MYO19: variants seen among roughly 807,000 people sequenced by gnomAD.
The protein encoded by MYO19 is unconventional myosin-XIX.
In MYO19, 132 loss-of-function variants were observed where a neutral mutation model predicts 129.2. The ratio of observed to expected loss-of-function variants is 1.02; its 90% CI spans 0.89 to 1.18. The LOEUF (loss-of-function observed/expected upper bound fraction) is 1.18. Ranked by LOEUF, MYO19 falls within the 50% of genes most tolerant of loss-of-function variation. The probability of loss-of-function intolerance (pLI) is 0.00; values close to 1 mark genes in which losing one functional copy is unlikely to be tolerated. For missense variants in MYO19, 1,210 were observed against 1,216.7 expected (o/e 0.99, Z 0.08); for synonymous variants, 531 against 477.2 (o/e 1.11, Z -1.47).
chr17:36,537,768 A>G (rs1005440783), upstream of MYO19: 2 of 1,614,066 alleles, frequency 1.2e-6, no homozygotes, highest in African/African-American at 1.3e-5. Flanking sequence ...TATAAAATCA[A>G]TAGGCTATCA....
At position 36,509,155 on chromosome 17, in the gene MYO19, G is replaced by A. The variant is rs77165672; in HGVS notation, c.1158-20C>T. On this transcript the variant is annotated intron_variant, in intron 13 of 25. Coordinates refer to ENST00000614623, the MANE Select transcript of MYO19 (RefSeq NM_001163735.2). ...AACAACCTGTTGGGGGAAGAGAGTG[G>A]ACTCTGGTAAGAGGGTCTGGCTGAG... The A allele has an allele frequency of 2.5e-6, 4 of 1,612,094 alleles. No individual in the cohort carries two copies. The highest frequency in any genetic ancestry group is 3.4e-6 in the Non-Finnish European group (4 of 1,178,560).
chr17:36,538,307 T>G, upstream of MYO19: 1 of 1,613,592 alleles, frequency 6.2e-7, no homozygotes, highest in South Asian at 1.1e-5. Flanking sequence ...AATTTCTAAT[T>G]AAAGGAGCTC....
intron 14 of MYO19, 53 bp from the exon 15 acceptor site, chr17:36,507,977 T>G (rs989183945): frequency 1.3e-6 from 2 of 1,520,984 alleles, no homozygotes; most frequent in Non-Finnish European, 1.8e-6. Context: ...AGATGGGGAA[T>G]AGGGGACCAA....
chr17:36,530,561 A>G (rs946104798), intron 3 of MYO19, among the ~76,000 whole-genome samples: 4 of 144,190 alleles, frequency 2.8e-5, no homozygotes, highest in Non-Finnish European at 5.9e-5. Context: ...GGTTCACGCC[A>G]TTCTCCTGCC....
chr17:36,513,308 C>T lies in MYO19; in HGVS notation c.894+121G>A, dbSNP rs934757788. 24 of 1,574,900 alleles carry T rather than the reference C, an allele frequency of 1.5e-5. No homozygotes were observed. In the Admixed American group the frequency reaches 4.1e-4, roughly 27 times the overall value. On this transcript the variant is annotated intron_variant, in intron 11 of 25. Transcript: ENST00000614623. ...GGTGACTGATTCCTTGGAGGTAGCA[C>T]AGAAGGGCCCAAAGTCCTAGATCCT...
chr17:36,509,919 G>A (rs1001457583), intron 13 of MYO19: 2 of 152,220 alleles, frequency 1.3e-5, no homozygotes, highest in African/African-American at 4.8e-5. Flanking sequence ...AAATTAGCTT[G>A]AGGCAGTGGT....
chr17:36,526,129 T>C (rs988285746), intron 5 of MYO19, among the ~76,000 whole-genome samples: 15 of 152,170 alleles, frequency 9.9e-5, no homozygotes, highest in African/African-American at 3.1e-4. Context: ...ACACCTGCCC[T>C]TGCCCCAGCC....
rs1211291133 is a variant in MYO19, at chr17:36,515,975, A to G, written c.430T>C (p.Cys144Arg). ...SGAGKTWTSR[C>R]LMKFYAVVAT... Reference sequence around the variant, plus strand: ...ACCACAGCATAGAACTTCATTAGGCAGCGAGACGTCCATGTCTGTGGCAGA... The same window carrying G: ...ACCACAGCATAGAACTTCATTAGGCGGCGAGACGTCCATGTCTGTGGCAGA... The change falls in exon 7 of 26, where the codon TGC (cysteine) becomes CGC (arginine). Residue 144 changes from cysteine to arginine, a missense_variant. Physicochemically the swap from Cys to Arg is radical, Grantham distance 180. Coordinates refer to ENST00000614623, the MANE Select transcript of MYO19 (RefSeq NM_001163735.2). 2 of 1,612,334 alleles carry G rather than the reference A, an allele frequency of 1.2e-6. No homozygotes were observed. The highest frequency in any genetic ancestry group is 1.7e-6 in the Non-Finnish European group (2 of 1,179,274).
chr17:36,520,521 GGTTT>G (rs2073068704), intron 6 of MYO19, among the ~76,000 whole-genome samples: 1 of 151,910 alleles, frequency 6.6e-6, no homozygotes, highest in South Asian at 2.1e-4. Context: ...CTTATACGTG[GGTTT>G]TTTTTCAATA....
intron 5 of MYO19, among the ~76,000 whole-genome samples, chr17:36,527,265 T>C (rs1248345526): frequency 6.6e-6 from 1 of 152,182 alleles, no homozygotes. Flanking sequence ...TTCCTGTTAA[T>C]AAAACCGCAA....
At chr17:36,501,972 G>C (rs573650801) in intron 21 of MYO19, 1 of 152,796 alleles carries the variant, frequency 6.5e-6, no homozygotes, top group South Asian at 2.1e-4. Flanking sequence ...CTATGGGCAA[G>C]AGACACGGAA....
Position 36,511,404 on chromosome 17 carries a change from C to A in MYO19, c.946G>T (p.Asp316Tyr), listed in dbSNP as rs751362772. The change falls in exon 12 of 26, where the codon GAT becomes TAT. Residue 316 changes from aspartate to tyrosine, a missense_variant. Physicochemically the swap from Asp to Tyr is radical, Grantham distance 160 (BLOSUM62 -3). Coordinates refer to ENST00000614623, the MANE Select transcript of MYO19 (RefSeq NM_001163735.2). ...ATCGGCTGGCAGGGCTGGGCTTCAT[C>A]CTCGGAGGCAGCAAACTGGATATTG... ...LGNIQFAASE[D>Y]EAQPCQPMDD... The A allele has an allele frequency of 6.3e-7, 1 of 1,575,772 alleles. No individual in the cohort carries two copies. The highest frequency in any genetic ancestry group is 1.8e-5 in the Admixed American group (1 of 54,244).
chr17:36,500,882 G>A lies in MYO19; in HGVS notation c.2325C>T (p.His775=). The part of the protein sequence containing the change: ...ARCIQGGWRR[H]RHREQERQWR... ...ACTGCCGCTCCTGCTCTCGGTGCCG[G>A]TGTCGCCTCCAGCCACCCTGGATGC... Residue 775 remains histidine, a synonymous_variant, in exon 23 of 26, where the codon CAC becomes CAT. Transcript: ENST00000614623. 1 of 1,606,642 alleles carries A rather than the reference G, an allele frequency of 6.2e-7. No individual in the cohort carries two copies. The highest frequency in any genetic ancestry group is 8.5e-7 in the Non-Finnish European group (1 of 1,179,250).
chr17:36,541,297 G>A (rs1259174801), intron 2 of MYO19, among the ~76,000 whole-genome samples: 1 of 152,234 alleles, frequency 6.6e-6, no homozygotes, highest in African/African-American at 2.4e-5. Context: ...ACGTGCCCCA[G>A]TAGCTCTTGT....
rs776187610 is a variant in MYO19, at chr17:36,510,831, T to C, written c.1072A>G (p.Arg358Gly). Residue 358 changes from arginine to glycine, a missense_variant, in exon 13 of 26, where the codon AGA becomes GGA. Coordinates refer to ENST00000614623, the MANE Select transcript of MYO19 (RefSeq NM_001163735.2). ...GGCTTCCGGAACACCTGCTGCTGTC[T>C]GCCTGCCCTGATGGTTCTAATCTGC... ...MVQIRTIRAG[R>G]QQQVFRKPCA... 2 of 1,583,218 alleles carry C rather than the reference T, an allele frequency of 1.3e-6. No homozygotes were observed. The highest frequency in any genetic ancestry group is 2.3e-5 in the East Asian group (1 of 43,110).
At chr17:36,503,893 A>G (rs1567737172) in intron 20 of MYO19, 57 bp downstream of exon 20, 3 of 1,374,412 alleles carry the variant, frequency 2.2e-6, no homozygotes, top group Non-Finnish European at 2.9e-6. Flanking sequence ...GCCCAATGAG[A>G]GTCCTGAGCC....
chr17:36,520,631 ACT>A (rs911561785), intron 6 of MYO19, among the ~76,000 whole-genome samples: 104 of 152,176 alleles, frequency 6.8e-4, no homozygotes, highest in Middle Eastern at 3.4e-3. Flanking sequence ...TCCTCAGCCT[ACT>A]CAAAGTGAAG....
Position 36,513,449 on chromosome 17 carries a change from T to C in MYO19, c.874A>G (p.Thr292Ala). 1 of 1,614,022 alleles carries C rather than the reference T, an allele frequency of 6.2e-7. No individual in the cohort carries two copies. Among genetic ancestry groups the C allele is most frequent in the Non-Finnish European group, 8.5e-7 (1 of 1,179,892 alleles). Residue 292 changes from threonine (T) to alanine (A), a missense_variant, in exon 11 of 26, where the codon ACC becomes GCC. Transcript: ENST00000614623. ...CTGACCTTAAAGATGTTGTTCTGGG[T>C]AGGGGTGTCAATGCCCAAATGGAGC... ...AMLHLGIDTP[T>A]QNNIFKVLAG...
At chr17:36,512,176 C>T (rs975478803) in intron 11 of MYO19, among the ~76,000 whole-genome samples, 3 of 147,906 alleles carry the variant, frequency 2.0e-5, no homozygotes, top group Non-Finnish European at 1.5e-5. Flanking sequence ...TATGGTGAAC[C>T]TCCATCTCTA....
Sources: gnomAD v4.1 joint callset for allele counts (sites outside exome capture counted in the v4.1 genomes callset) on GRCh38, gnomAD v4.1.1 for gene constraint, MANE v1.5 for transcripts, NCBI Gene and HGNC (gene_info 2026-07-23, HGNC 2026-07-21) for gene names.